The following SHC1 variants were observed in gnomAD, a reference collection of about 807,000 sequenced individuals.
SHC1 encodes the protein SHC adaptor protein 1.
Under a neutral mutation model 55.9 loss-of-function variants are expected in SHC1, and 30 were observed. The observed-to-expected ratio is 0.54, with a 90% confidence interval of 0.40 to 0.73. SHC1 has a LOEUF of 0.73. Among genes scored for constraint, SHC1 ranks in the 30% least tolerant of loss-of-function variants. SHC1 has a pLI of 0.00. For missense variants in SHC1, 675 were observed against 777.1 expected (o/e 0.87, Z 1.56); for synonymous variants, 309 against 306.1 (o/e 1.01, Z -0.10).
rs528309144 is a variant in SHC1 at position 154,965,326 on chromosome 1, C to T, written c.1626+217G>A. The stretch of plus-strand genomic sequence containing the variant: ...CGCTGGGATTACAGGTGTGAGCCAC[C>T]ACGCCTGGCCCTGTGCCAGGACTAT... On this transcript the variant is annotated intron_variant, in intron 11 of 11. Coordinates refer to ENST00000448116, the MANE Select transcript of SHC1 (RefSeq NM_001130040.2). 31 of 1,463,382 alleles carry T rather than the reference C, an allele frequency of 2.1e-5. No individual in the cohort carries two copies. The East Asian group carries it at 8.0e-4, about 38-fold the overall frequency. The allele number at this position is 1,463,382 out of a possible 1,614,324, so 90.6% of individuals were successfully genotyped here.
chr1:154,967,237 A>G (rs545764289), intron 7 of SHC1, among the ~76,000 whole-genome samples: 17 of 152,318 alleles, frequency 1.1e-4, no homozygotes, highest in African/African-American at 4.1e-4. Flanking sequence ...TAAATATTCA[A>G]TCCCTACTGG....
chr1:154,965,607 T>C lies in SHC1; in HGVS notation c.1562A>G (p.Tyr521Cys), dbSNP rs1655854247. Reference protein sequence around the residue: ...VRESTTTPGQYVLTGLQSGQP... With the variant: ...VRESTTTPGQCVLTGLQSGQP... ...CCCACTCTGCAAGCCAGTGAGCACATACTGGCCAGGTGTGGTCGTGCTCTC... is the reference window on the plus strand; with the variant it reads ...CCCACTCTGCAAGCCAGTGAGCACACACTGGCCAGGTGTGGTCGTGCTCTC... The change falls in exon 11 of 12, where the codon TAT (tyrosine) becomes TGT (cysteine). Residue 521 changes from tyrosine to cysteine, a missense_variant. Physicochemically the swap from Tyr to Cys is radical, Grantham distance 194 (BLOSUM62 -2). Around this residue, in one of 3 missense-constraint regions of SHC1, gnomAD observed 360 missense variants for 371.1 expected, o/e 0.97. Coordinates refer to ENST00000448116, the MANE Select transcript of SHC1 (RefSeq NM_001130040.2). The C allele has an allele frequency of 1.2e-6, 2 of 1,614,020 alleles. No homozygotes were observed. Among genetic ancestry groups the C allele is most frequent in the Admixed American group, 1.7e-5 (1 of 59,998 alleles).
rs145290012 is a variant in SHC1, at chr1:154,966,354, T to C, written c.1147A>G (p.Asn383Asp). 20 of 1,614,104 alleles carry C rather than the reference T, an allele frequency of 1.2e-5. No individual in the cohort carries two copies. Among genetic ancestry groups the C allele is most frequent in the Admixed American group, 6.7e-5 (4 of 60,024 alleles). ...CCCAAGTGGCTGGGGGTCTGGGCAT[T>C]GGGTGCAGTGGGTCGAGCAGCCCCT... ...APGAARPTAP[N>D]AQTPSHLGAT... Residue 383 changes from asparagine to aspartate, a missense_variant, in exon 8 of 12, where the codon AAT (asparagine) becomes GAT (aspartate). Physicochemically the swap from Asn to Asp is conservative, Grantham distance 23. Transcript: ENST00000448116.
rs1376581360 is a variant in SHC1 at position 154,966,318 on chromosome 1, C to A, written c.1182+1G>T. On this transcript the variant is annotated splice_donor_variant, in intron 8 of 11. Transcript: ENST00000448116. LOFTEE classifies it high-confidence loss of function. Reference sequence around the variant, plus strand: ...AGCCCGCCTCCATCCAAGCAACTTACCAATGTAGCTCCCAAGTGGCTGGGG... The same window carrying A: ...AGCCCGCCTCCATCCAAGCAACTTAACAATGTAGCTCCCAAGTGGCTGGGG... 2 of 1,613,720 alleles carry A rather than the reference C, an allele frequency of 1.2e-6. No homozygotes were observed. The highest frequency in any genetic ancestry group is 1.7e-5 in the Admixed American group (1 of 60,002).
chr1:154,966,035 T>G lies in SHC1; in HGVS notation c.1298A>C (p.Asn433Thr). ...FDDPSYVNVQ[N>T]LDKARQAVGG... ...CACTGCTTGCCGGGCCTTGTCTAGG[T>G]TCTGGACGTTGACATAGGAGGGATC... Residue 433 changes from asparagine to threonine, a missense_variant, in exon 10 of 12, where the codon AAC becomes ACC. By Grantham distance (65) the Asn-to-Thr change is moderately conservative. Coordinates refer to ENST00000448116, the MANE Select transcript of SHC1 (RefSeq NM_001130040.2). 1 of 1,614,016 alleles carries G rather than the reference T, an allele frequency of 6.2e-7. No individual in the cohort carries two copies. Among genetic ancestry groups the G allele is most frequent in the East Asian group, 2.2e-5 (1 of 44,874 alleles).
upstream of SHC1, among the ~76,000 whole-genome samples, chr1:154,973,836 AG>A (rs1322259228): frequency 1.3e-5 from 2 of 152,048 alleles, no homozygotes; most frequent in African/African-American, 2.4e-5. Context: ...TGGATTACGG[AG>A]GGGGCGTGGC....
intron 11 of SHC1, chr1:154,964,336 G>C: frequency 2.2e-6 from 1 of 463,368 alleles, no homozygotes. Flanking sequence ...GGGAGTTCAA[G>C]AACAGCTTGG....
intron 11 of SHC1, among the ~76,000 whole-genome samples, chr1:154,964,632 T>C (rs1231442447): frequency 6.6e-6 from 1 of 152,130 alleles, no homozygotes; most frequent in African/African-American, 2.4e-5. Context: ...TACAGGCATG[T>C]GTCACCATTC....
rs932095257 is a variant in SHC1, at chr1:154,968,715, C to T, written c.630+56G>A. On this transcript the variant is annotated intron_variant, in intron 3 of 11. Transcript: ENST00000448116. ...TCCCCACATGCCCCACACTTGCCTC[C>T]CCACTGCCCCTCCACATTTCCCAGC... 38 of 1,609,412 alleles carry T rather than the reference C, an allele frequency of 2.4e-5. No homozygotes were observed. In the Middle Eastern group the frequency reaches 4.9e-4, roughly 21 times the overall value.
In SHC1 at chr1:154,962,313, C is replaced by G. The variant is rs1418297276; in HGVS notation, c.*1490G>C. Reference sequence around the variant, plus strand: ...GAGGCAGAGGTAGAAGAAATACGGACTTTAATGAAGAGTTTTCCCTTTGGT... The same window carrying G: ...GAGGCAGAGGTAGAAGAAATACGGAGTTTAATGAAGAGTTTTCCCTTTGGT... On this transcript the variant is annotated 3_prime_UTR_variant, in exon 12 of 12. Transcript: ENST00000448116. 3 of 152,824 alleles carry G rather than the reference C, an allele frequency of 2.0e-5. No homozygotes were observed. Among genetic ancestry groups the G allele is most frequent in the Admixed American group, 2.0e-4 (3 of 15,286 alleles). 9.5% of individuals were successfully genotyped at this position (152,824 alleles called of 1,614,324 possible).
Position 154,970,290 on chromosome 1 carries a change from C to A in SHC1, c.237G>T (p.Gly79=), listed in dbSNP as rs1656586214. 1.9e-6 allele frequency: 3 copies of A among 1,605,018 alleles called. No homozygotes were observed. The highest frequency in any genetic ancestry group is 2.6e-6 in the Non-Finnish European group (3 of 1,174,720). Residue 79 remains glycine (G), a synonymous_variant, in exon 1 of 12, where the codon GGG becomes GGT. Coordinates refer to ENST00000448116, the MANE Select transcript of SHC1 (RefSeq NM_001130040.2). The surrounding 1 kb of genome is among the most constrained non-coding windows in gnomAD (Gnocchi z 5.5). ...RLANPAGGRP[G]SKGEPGRAAD... is the part of the protein sequence containing the mutation. Reference sequence around the variant, plus strand: ...CTGCCCTTCCTGGCTCCCCCTTAGACCCTGGGCGCCCCCCAGCCGGGTTGG... The same window carrying A: ...CTGCCCTTCCTGGCTCCCCCTTAGAACCTGGGCGCCCCCCAGCCGGGTTGG...
At chr1:154,968,135 A>C (rs757577874) in intron 5 of SHC1, 69 bp downstream of exon 5, 1 of 1,585,492 alleles carries the variant, frequency 6.3e-7, no homozygotes, top group Non-Finnish European at 8.7e-7. Flanking sequence ...CCACTTCTCT[A>C]ATCAATGTCT....
At chr1:154,969,492 C>A (rs1340209007) in intron 1 of SHC1, 44 bp from the exon 2 acceptor site, 5 of 1,339,102 alleles carry the variant, frequency 3.7e-6, no homozygotes, top group Non-Finnish European at 5.3e-6. Flanking sequence ...GGCTCCCCCA[C>A]CCCAGCCCCT....
Position 154,970,184 on chromosome 1 carries a change from T to C in SHC1, c.343A>G (p.Ser115Gly). Residue 115 changes from serine (S) to glycine (G), a missense_variant, in exon 1 of 12, where the codon AGT becomes GGT. Coordinates refer to ENST00000448116, the MANE Select transcript of SHC1 (RefSeq NM_001130040.2). This position sits in a 1 kb window ranked among gnomAD's most constrained non-coding sequence, Gnocchi z 5.5. Reference sequence around the variant, plus strand: ...CGAGTCCTGCGCCCGCCGCCTCCACTCAGCTTGTTCATGTCCTGGAGGAGG... The same window carrying C: ...CGAGTCCTGCGCCCGCCGCCTCCACCCAGCTTGTTCATGTCCTGGAGGAGG... ...LPLLQDMNKL[S>G]GGGGRRTRVE... 3 of 1,613,358 alleles carry C rather than the reference T, an allele frequency of 1.9e-6. No homozygotes were observed. The highest frequency in any genetic ancestry group is 2.5e-6 in the Non-Finnish European group (3 of 1,179,846).
At chr1:154,965,098 G>A (rs1183688962) in intron 11 of SHC1, among the ~76,000 whole-genome samples, 11 of 152,128 alleles carry the variant, frequency 7.2e-5, no homozygotes, top group South Asian at 4.1e-4. Context: ...GTGCAGTGGT[G>A]TGATCTCAGC....
rs1656654078 is a variant in SHC1 at position 154,970,677 on chromosome 1, G to C, written c.-151C>G. 3.5e-6 allele frequency: 2 copies of C among 572,648 alleles called. No homozygotes were observed. Among genetic ancestry groups the C allele is most frequent in the Admixed American group, 7.0e-5 (2 of 28,518 alleles). 35.5% of individuals were successfully genotyped at this position (572,648 alleles called of 1,614,324 possible). ...GTCCTGGGGAGGGAGAGGGACAAGTGGCTTCCGCTCCCCAGCTCAGACCCA... is the reference window on the plus strand; with the variant it reads ...GTCCTGGGGAGGGAGAGGGACAAGTCGCTTCCGCTCCCCAGCTCAGACCCA... On this transcript the variant is annotated 5_prime_UTR_variant, in exon 1 of 12. Transcript: ENST00000448116. This position sits in a 1 kb window ranked among gnomAD's most constrained non-coding sequence, Gnocchi z 5.5.
In SHC1 at chr1:154,965,980, G is replaced by C; in HGVS notation, c.1353C>G (p.Ile451Met). 6.2e-7 allele frequency: 1 copy of C among 1,613,942 alleles called. No individual in the cohort carries two copies. The highest frequency in any genetic ancestry group is 1.1e-5 in the South Asian group (1 of 91,044). ...ACAGGTCCCGGGGTGCACTGCCATT[G>C]ATAGCAGGATTGGGGGGCCCAGCAC... ...VGGAGPPNPA[I>M]NGSAPRDLFD... Residue 451 changes from isoleucine (I) to methionine (M), a missense_variant, in exon 10 of 12, where the codon ATC becomes ATG. Ile to Met is a conservative substitution (Grantham distance 10). Transcript: ENST00000448116.
rs1047753847 is a variant in SHC1 at position 154,963,010 on chromosome 1, G to A, written c.*793C>T. 6 of 152,800 alleles carry A rather than the reference G, an allele frequency of 3.9e-5. No individual in the cohort carries two copies. The highest frequency in any genetic ancestry group is 1.4e-4 in the African/African-American group (6 of 41,434). 9.5% of individuals were successfully genotyped at this position (152,800 alleles called of 1,614,324 possible). On this transcript the variant is annotated 3_prime_UTR_variant, in exon 12 of 12. Coordinates refer to ENST00000448116, the MANE Select transcript of SHC1 (RefSeq NM_001130040.2). ...GGAGGCAGGGCAGAGGCTTCAGGAG[G>A]AAGGGCTGCACTTTGGCGTAGAGTA... is the stretch of plus-strand genomic sequence containing the variant.
chr1:154,968,194 C>T lies in SHC1; in HGVS notation c.804+10G>A. On this transcript the variant is annotated intron_variant, in intron 5 of 11. Coordinates refer to ENST00000448116, the MANE Select transcript of SHC1 (RefSeq NM_001130040.2). ...TTCTCCCACCGCCTTTGCTCTGTTC[C>T]CCAACTCACCGGATCCCCGCCGGAT... 6.2e-7 allele frequency: 1 copy of T among 1,613,844 alleles called. No individual in the cohort carries two copies. Among genetic ancestry groups the T allele is most frequent in the Admixed American group, 1.7e-5 (1 of 60,014 alleles).
Sources: gnomAD v4.1 joint callset for allele counts (sites outside exome capture counted in the v4.1 genomes callset) on GRCh38, gnomAD v4.1.1 for gene constraint, gnomAD v4.1.1 regional missense constraint, Gnocchi (gnomAD v3.1) non-coding constraint, MANE v1.5 for transcripts, NCBI Gene and HGNC (gene_info 2026-07-23, HGNC 2026-07-21) for gene names.